The following TCF12 variants were observed in gnomAD, a reference collection of about 807,000 sequenced individuals.
The protein encoded by TCF12 is DNA-binding protein HTF4.
In TCF12, 45 loss-of-function variants were observed where a neutral mutation model predicts 86.0. That is an observed-to-expected ratio of 0.52 (90% CI 0.41 to 0.67). TCF12 has a LOEUF of 0.67. Among genes scored for constraint, TCF12 ranks in the 30% least tolerant of loss-of-function variants. The pLI is 0.00. For synonymous variants in TCF12, 330 were observed against 299.6 expected, an observed-to-expected ratio of 1.10 and a Z score of -1.05; for missense variants, 881 against 859.9, an observed-to-expected ratio of 1.02 and a Z score of -0.31.
chr15:56,943,688 C>T (rs567567932), intron 3 of TCF12, among the ~76,000 whole-genome samples: 19 of 152,192 alleles, frequency 1.2e-4, no homozygotes, highest in Middle Eastern at 3.4e-3. Context: ...TGTTTAAAAG[C>T]GAGTCTCATG....
chr15:57,089,611 T>C (rs1345298633), intron 4 of TCF12, among the ~76,000 whole-genome samples: 1 of 151,076 alleles, frequency 6.6e-6, no homozygotes, highest in African/African-American at 2.4e-5. Context: ...TTAACTGTAG[T>C]GTTTTTACTT....
At chr15:57,253,004 G>T (rs2060190449) in intron 15 of TCF12, among the ~76,000 whole-genome samples, 1 of 131,648 alleles carries the variant, frequency 7.6e-6, no homozygotes, top group Non-Finnish European at 1.6e-5. Context: ...GAAGCTAAAA[G>T]AAATAACCTC....
chr15:57,139,023 C>G (rs571036745), intron 5 of TCF12, among the ~76,000 whole-genome samples: 8 of 152,118 alleles, frequency 5.3e-5, no homozygotes, highest in Non-Finnish European at 1.2e-4. Flanking sequence ...TACATAATCC[C>G]AGTTCCAGAA....
chr15:57,142,359 G>T (rs2151413609), intron 5 of TCF12, among the ~76,000 whole-genome samples: 1 of 94,398 alleles, frequency 1.1e-5, no homozygotes, highest in South Asian at 3.7e-4. Flanking sequence ...AAATATAACT[G>T]TGTTACATAT....
intron 8 of TCF12, among the ~76,000 whole-genome samples, chr15:57,198,944 T>C (rs531776459): frequency 5.3e-5 from 8 of 152,324 alleles, no homozygotes; most frequent in African/African-American, 1.7e-4. Context: ...TTTTCTGTGT[T>C]ATTCCCCTGC....
At chr15:56,931,071 T>C (rs541555235) in intron 3 of TCF12, among the ~76,000 whole-genome samples, 175 of 152,250 alleles carry the variant, frequency 1.1e-3, no homozygotes, top group Non-Finnish European at 1.3e-3. Context: ...TCTCCCTCGT[T>C]CCTTCACCCC....
intron 3 of TCF12, among the ~76,000 whole-genome samples, chr15:56,976,012 A>G (rs77249615): frequency 0.04 from 6,128 of 151,964 alleles, 369 homozygotes; most frequent in Admixed American, 0.17. Flanking sequence ...TAAAGATGAT[A>G]TTTGCAATGG....
At chr15:57,277,554 A>G (rs2061456613) in intron 19 of TCF12, among the ~76,000 whole-genome samples, 1 of 148,632 alleles carries the variant, frequency 6.7e-6, no homozygotes, top group African/African-American at 2.5e-5. Context: ...GCTTGAACCC[A>G]GGAGGCAGAG....
At chr15:57,237,924 C>T (rs968608646) in intron 12 of TCF12, among the ~76,000 whole-genome samples, 1 of 152,172 alleles carries the variant, frequency 6.6e-6, no homozygotes, top group Admixed American at 6.5e-5. Context: ...TGTTGTATTG[C>T]TCCTCCTCTC....
Position 57,192,243 on chromosome 15 carries a change from T to A in TCF12, c.476T>A (p.Phe159Tyr), listed in dbSNP as rs2057018869. Residue 159 changes from phenylalanine to tyrosine, a missense_variant, in exon 7 of 21, where the codon TTC becomes TAC. Coordinates refer to ENST00000333725, the MANE Select transcript of TCF12 (RefSeq NM_207037.2). The stretch of plus-strand genomic sequence containing the variant: ...AAACCTGGGACAGCATACTATTCAT[T>A]CTCTGCTACAAGTTCCAGGAGGAGA... ...SGKPGTAYYSFSATSSRRRPL... is the reference protein window; with the variant it reads ...SGKPGTAYYSYSATSSRRRPL... The A allele has an allele frequency of 6.2e-7, 1 of 1,614,168 alleles. No homozygotes were observed. The highest frequency in any genetic ancestry group is 8.5e-7 in the Non-Finnish European group (1 of 1,180,012).
chr15:57,160,892 G>C (rs1486575110), intron 5 of TCF12, among the ~76,000 whole-genome samples: 1 of 151,348 alleles, frequency 6.6e-6, no homozygotes, highest in Non-Finnish European at 1.5e-5. Flanking sequence ...TTCTCACTAT[G>C]TTGCCCAGGC....
intron 5 of TCF12, among the ~76,000 whole-genome samples, chr15:57,115,687 T>C (rs1167578827): frequency 6.6e-6 from 1 of 152,190 alleles, no homozygotes; most frequent in Non-Finnish European, 1.5e-5. Context: ...GTTAATATAT[T>C]ATTATAAATT....
intron 4 of TCF12, among the ~76,000 whole-genome samples, chr15:57,086,270 C>G (rs1223168999): frequency 6.9e-6 from 1 of 145,978 alleles, no homozygotes; most frequent in East Asian, 2.0e-4. Context: ...TATGTGCTTA[C>G]TATGTGCCAG....
At chr15:57,242,580 T>A (rs1367049460) in intron 12 of TCF12, among the ~76,000 whole-genome samples, 4 of 152,152 alleles carry the variant, frequency 2.6e-5, no homozygotes, top group African/African-American at 9.7e-5. Flanking sequence ...GACAAGAGAA[T>A]CGCTTGAACC....
intron 3 of TCF12, among the ~76,000 whole-genome samples, chr15:57,026,677 A>G (rs2065843206): frequency 6.6e-6 from 1 of 152,118 alleles, no homozygotes; most frequent in Non-Finnish European, 1.5e-5. Flanking sequence ...TTCATTTTAT[A>G]TATTTTAATT....
intron 6 of TCF12, among the ~76,000 whole-genome samples, chr15:57,186,324 T>A (rs1410957278): frequency 6.6e-6 from 1 of 152,056 alleles, no homozygotes; most frequent in East Asian, 1.9e-4. Flanking sequence ...TGTGGTAAGA[T>A]CTGATGTCTA....
chr15:57,167,456 G>A (rs1392982021), intron 6 of TCF12, among the ~76,000 whole-genome samples: 1 of 151,988 alleles, frequency 6.6e-6, no homozygotes, highest in African/African-American at 2.4e-5. Context: ...AGCTGCTTGG[G>A]AGGCTGAAGC....
At chr15:57,021,837 C>G (rs542526114) in intron 3 of TCF12, among the ~76,000 whole-genome samples, 1 of 151,626 alleles carries the variant, frequency 6.6e-6, no homozygotes, top group Non-Finnish European at 1.5e-5. Context: ...TTCCTATAGG[C>G]GGGTTCCACA....
intron 2 of TCF12, 93 bp from the exon 3 acceptor site, chr15:56,920,933 T>G (rs2059763561): frequency 1.1e-6 from 1 of 945,354 alleles, no homozygotes. Flanking sequence ...CCTCTGAAAT[T>G]TAATAACTGA....
Sources: allele counts gnomAD v4.1 joint callset (sites outside exome capture counted in the v4.1 genomes callset), GRCh38; gene constraint gnomAD v4.1.1; transcripts MANE v1.5; gene names NCBI Gene and HGNC (gene_info 2026-07-23, HGNC 2026-07-21).